The following PTPRD variants were observed in gnomAD, a reference collection of about 807,000 sequenced individuals.
The protein encoded by PTPRD is protein tyrosine phosphatase receptor type D, also known as receptor-type tyrosine-protein phosphatase delta.
PTPRD carries 34 observed loss-of-function variants against 214.5 expected under a neutral mutation model. The ratio of observed to expected loss-of-function variants is 0.16; its 90% CI spans 0.12 to 0.21. PTPRD has a LOEUF of 0.21. PTPRD is among the 10% of genes least tolerant of loss of function. The pLI, the probability that PTPRD is intolerant of heterozygous loss-of-function variation, is 1.00. For missense variants in PTPRD, 2,545 were observed against 2,398.7 expected (o/e 1.06, Z -1.27); for synonymous variants, 1,128 against 845.7 (o/e 1.33, Z -5.79).
Position 8,708,917 on chromosome 9 carries a change from A to T in PTPRD, c.64+24863T>A, listed in dbSNP as rs113843473. Among the ~76,000 whole-genome samples the T allele has an allele frequency of 1.9e-3, 294 of 152,200 alleles. 8 individuals carry two copies. Among genetic ancestry groups the T allele is most frequent in the African/African-American group, 6.9e-3 (285 of 41,524 alleles). On this transcript the variant is annotated intron_variant, in intron 12 of 45. Transcript: ENST00000381196. ...CACAGTGAAATCCTACTCAGCCTTT[A>T]AAAAAAGAATGAAATGCTGTCATTT...
chr9:9,705,026 T>G (rs1254599380), intron 7 of PTPRD, among the ~76,000 whole-genome samples: 1 of 152,202 alleles, frequency 6.6e-6, no homozygotes, highest in African/African-American at 2.4e-5. Context: ...GTTACATGTT[T>G]TTTATATGCC....
chr9:9,504,873 A>G (rs1240859375), intron 8 of PTPRD, among the ~76,000 whole-genome samples: 1 of 151,730 alleles, frequency 6.6e-6, no homozygotes, highest in Non-Finnish European at 1.5e-5. Flanking sequence ...AAGTAAATTA[A>G]AAAACAATTC....
chr9:10,082,958 TAAGAA>T (rs910672569), intron 3 of PTPRD, among the ~76,000 whole-genome samples: 9 of 152,032 alleles, frequency 5.9e-5, no homozygotes, highest in African/African-American at 2.2e-4. Flanking sequence ...GTTCTTACTT[TAAGAA>T]AACAACAGCC....
chr9:9,193,757 G>A (rs555344867), intron 9 of PTPRD, among the ~76,000 whole-genome samples: 1 of 152,210 alleles, frequency 6.6e-6, no homozygotes, highest in Admixed American at 6.5e-5. Flanking sequence ...AGCTGCCCTG[G>A]GTGAGTCTGT....
intron 2 of PTPRD, among the ~76,000 whole-genome samples, chr9:10,359,903 T>C (rs981183308): frequency 6.6e-6 from 1 of 152,196 alleles, no homozygotes. Context: ...TACAGGCTGT[T>C]GGAATAATTT....
intron 10 of PTPRD, among the ~76,000 whole-genome samples, chr9:9,024,730 A>G (rs1048506628): frequency 6.6e-6 from 1 of 151,742 alleles, no homozygotes; most frequent in African/African-American, 2.4e-5. Context: ...ATGCTCCTTC[A>G]TGTATTGTTG....
intron 2 of PTPRD, among the ~76,000 whole-genome samples, chr9:10,505,844 A>G (rs916717953): frequency 6.9e-6 from 1 of 144,218 alleles, no homozygotes; most frequent in African/African-American, 2.6e-5. Context: ...TATGTTTTAC[A>G]TAACACTTTA....
intron 14 of PTPRD, among the ~76,000 whole-genome samples, chr9:8,601,896 TAGGTACAAA>T (rs1239679209): frequency 6.6e-6 from 1 of 152,160 alleles, no homozygotes; most frequent in Non-Finnish European, 1.5e-5. Context: ...TTGGGGAATC[TAGGTACAAA>T]AGGTACACAA....
chr9:9,432,880 G>A (rs1483978938), intron 8 of PTPRD, among the ~76,000 whole-genome samples: 1 of 152,204 alleles, frequency 6.6e-6, no homozygotes, highest in Non-Finnish European at 1.5e-5. Flanking sequence ...TGGAGTTTTA[G>A]AGGGATCAGG....
chr9:9,272,192 G>A (rs1009754889), intron 9 of PTPRD, among the ~76,000 whole-genome samples: 4 of 151,072 alleles, frequency 2.6e-5, no homozygotes, highest in Non-Finnish European at 5.9e-5. Flanking sequence ...CCAGAGGGTC[G>A]TTTATGTAAT....
chr9:9,172,637 C>T (rs1044906395), intron 10 of PTPRD, among the ~76,000 whole-genome samples: 2 of 152,116 alleles, frequency 1.3e-5, no homozygotes, highest in African/African-American at 4.8e-5. Flanking sequence ...TAGGCACTGG[C>T]AAAGGGTTTG....
At chr9:8,816,725 A>G (rs906313051) in intron 11 of PTPRD, among the ~76,000 whole-genome samples, 2 of 152,238 alleles carry the variant, frequency 1.3e-5, no homozygotes, top group African/African-American at 4.8e-5. Flanking sequence ...CACTCTTTCC[A>G]TATCAACATG....
chr9:10,360,377 T>C (rs2097355922), intron 2 of PTPRD, among the ~76,000 whole-genome samples: 1 of 152,256 alleles, frequency 6.6e-6, no homozygotes, highest in Non-Finnish European at 1.5e-5. Flanking sequence ...TTTTACTATA[T>C]CAGACAATGT....
intron 9 of PTPRD, among the ~76,000 whole-genome samples, chr9:9,186,714 C>A (rs140667467): frequency 1.5e-3 from 227 of 151,442 alleles, no homozygotes; most frequent in African/African-American, 5.2e-3. Flanking sequence ...TGTGTGTATG[C>A]ATGGGAAGTT....
At chr9:9,216,884 C>T (rs1377306835) in intron 9 of PTPRD, among the ~76,000 whole-genome samples, 2 of 151,960 alleles carry the variant, frequency 1.3e-5, no homozygotes, top group Admixed American at 6.6e-5. Context: ...AGTTAAATGA[C>T]TTTTGGTTAC....
At chr9:8,964,189 TG>T in intron 11 of PTPRD, among the ~76,000 whole-genome samples, 5 of 78,064 alleles carry the variant, frequency 6.4e-5, no homozygotes, top group Admixed American at 1.7e-4. Flanking sequence ...AGTTCAGGGC[TG>T]TGTTTTTTTT....
At chr9:9,731,975 A>G (rs191705828) in intron 7 of PTPRD, among the ~76,000 whole-genome samples, 1 of 152,248 alleles carries the variant, frequency 6.6e-6, no homozygotes, top group Non-Finnish European at 1.5e-5. Flanking sequence ...AGAACATATG[A>G]CAGTGTAAGG....
At chr9:10,450,550 C>A (rs966464295) in intron 2 of PTPRD, among the ~76,000 whole-genome samples, 2 of 151,868 alleles carry the variant, frequency 1.3e-5, no homozygotes, top group African/African-American at 2.4e-5. Flanking sequence ...TTTACGAATC[C>A]TTAGGTATGC....
intron 3 of PTPRD, among the ~76,000 whole-genome samples, chr9:10,232,623 T>C (rs769286510): frequency 6.6e-6 from 1 of 151,976 alleles, no homozygotes; most frequent in African/African-American, 2.4e-5. Flanking sequence ...CCTTAAGAAT[T>C]AGGAGAAGGA....
Sources: gnomAD v4.1 joint callset for allele counts (sites outside exome capture counted in the v4.1 genomes callset) on GRCh38, gnomAD v4.1.1 for gene constraint, MANE v1.5 for transcripts, NCBI Gene and HGNC (gene_info 2026-07-23, HGNC 2026-07-21) for gene names.